Variants in ARID1B observed in about 807,000 individuals in gnomAD.
ARID1B encodes the protein AT-rich interactive domain-containing protein 1B.
Under a neutral mutation model 212.3 loss-of-function variants are expected in ARID1B, and 30 were observed. The observed-to-expected ratio is 0.14, with a 90% CI of 0.11 to 0.19. The LOEUF is 0.19. Among genes scored for constraint, ARID1B ranks in the 10% least tolerant of loss-of-function variants. The pLI is 1.00. For synonymous variants in ARID1B, 1,402 were observed against 1,301.7 expected (o/e 1.08, Z -1.66); for missense variants, 2,891 against 3,204.0 (o/e 0.90, Z 2.36).
At chr6:156,958,848 C>T (rs1040753147) in intron 4 of ARID1B, among the ~76,000 whole-genome samples, 9 of 152,028 alleles carry the variant, frequency 5.9e-5, no homozygotes, top group Non-Finnish European at 1.3e-4. Flanking sequence ...AGGAATCATA[C>T]GGAGTTAGTT....
intron 4 of ARID1B, among the ~76,000 whole-genome samples, chr6:157,006,048 C>G (rs1308514962): frequency 3.3e-5 from 5 of 152,052 alleles, no homozygotes. Flanking sequence ...CCCACAACAC[C>G]CCCCATTGAG....
chr6:157,002,255 C>T (rs1302937523), intron 4 of ARID1B, among the ~76,000 whole-genome samples: 1 of 152,106 alleles, frequency 6.6e-6, no homozygotes, highest in African/African-American at 2.4e-5. Context: ...TAAACTTTAT[C>T]ATTTTGTGTT....
chr6:156,778,718 G>A lies in ARID1B; in HGVS notation c.1038G>A (p.Met346Ile), dbSNP rs2114983281. ...ATGGCGGACAACAAAGCCCCGGGAT[G>A]GGGATGATGCACTCCGCCTCCGCCG... is the stretch of plus-strand genomic sequence containing the variant. Reference protein sequence around the residue: ...DQHGGQQSPGMGMMHSASAAA... With the variant: ...DQHGGQQSPGIGMMHSASAAA... The change falls in exon 1 of 20, where the codon ATG becomes ATA. Residue 346 changes from methionine to isoleucine, a missense_variant. Around this residue, in one of 7 missense-constraint regions of ARID1B, gnomAD observed 1,643 missense variants for 1,544.0 expected, o/e 1.06. Transcript: ENST00000636930. 1.3e-6 allele frequency: 2 copies of A among 1,524,050 alleles called. No individual in the cohort carries two copies. The highest frequency in any genetic ancestry group is 8.8e-7 in the Non-Finnish European group (1 of 1,134,216). 94.4% of individuals were successfully genotyped at this position (1,524,050 alleles called of 1,614,324 possible).
chr6:156,988,762 T>C (rs1778092024), intron 4 of ARID1B, among the ~76,000 whole-genome samples: 1 of 152,188 alleles, frequency 6.6e-6, no homozygotes, highest in African/African-American at 2.4e-5. Context: ...TGTTGAGCCA[T>C]CTGATAGGGA....
intron 13 of ARID1B, among the ~76,000 whole-genome samples, chr6:157,188,467 A>C (rs1285202505): frequency 6.6e-6 from 1 of 152,224 alleles, no homozygotes; most frequent in Admixed American, 6.5e-5. Context: ...TGTCCTCTGT[A>C]ACCTCTCGTG....
intron 4 of ARID1B, among the ~76,000 whole-genome samples, chr6:157,014,887 A>T (rs929271644): frequency 1.9e-4 from 9 of 46,746 alleles, no homozygotes; most frequent in Admixed American, 4.5e-4. Context: ...CCAGGAATAA[A>T]AAAAAAAAAA....
intron 6 of ARID1B, among the ~76,000 whole-genome samples, chr6:157,111,975 A>T (rs1358787581): frequency 6.6e-6 from 1 of 152,062 alleles, no homozygotes; most frequent in African/African-American, 2.4e-5. Flanking sequence ...GTTCTCAGAT[A>T]CTGCTGATGC....
At chr6:156,970,299 T>C (rs1038821142) in intron 4 of ARID1B, among the ~76,000 whole-genome samples, 23 of 152,142 alleles carry the variant, frequency 1.5e-4, no homozygotes, top group African/African-American at 5.5e-4. Flanking sequence ...ACCAGGCTAG[T>C]CTTGAACTCC....
intron 4 of ARID1B, among the ~76,000 whole-genome samples, chr6:156,986,932 A>G (rs569891619): frequency 4.5e-4 from 68 of 152,150 alleles, no homozygotes; most frequent in Non-Finnish European, 8.2e-4. Flanking sequence ...TAATCCCAAC[A>G]CTTTGGGAGG....
chr6:157,199,515 G>T (rs2128368526), intron 17 of ARID1B, among the ~76,000 whole-genome samples: 1 of 151,380 alleles, frequency 6.6e-6, no homozygotes, highest in Non-Finnish European at 1.5e-5. Flanking sequence ...ACAGGACTTT[G>T]CTGTTTTTAA....
Position 157,036,669 on chromosome 6 carries a change from G to A in ARID1B, c.2248-47993G>A, listed in dbSNP as rs1391106006. 3.1e-5 allele frequency: 11 copies of A among 353,750 alleles called. No homozygotes were observed. In the Admixed American group the frequency reaches 4.0e-4, roughly 13 times the overall value. 21.9% of individuals were successfully genotyped at this position (353,750 alleles called of 1,614,324 possible). On this transcript the variant is annotated intron_variant, in intron 4 of 19. Coordinates refer to ENST00000636930, the MANE Select transcript of ARID1B (RefSeq NM_001374828.1). The stretch of plus-strand genomic sequence containing the variant: ...AGACGGTGACTGGGATTTCAGCCCA[G>A]CTCTTGAAGATACTCACAGATCTCT...
At chr6:157,049,175 G>GA (rs375616004) in intron 4 of ARID1B, among the ~76,000 whole-genome samples, 41,115 of 116,710 alleles carry the variant, frequency 0.35, 6,458 homozygotes, top group African/African-American at 0.37. Flanking sequence ...TCAGTCTGGA[G>GA]AAAAAAAAAA....
intron 2 of ARID1B, among the ~76,000 whole-genome samples, chr6:156,839,693 A>C (rs1298325843): frequency 1.3e-5 from 2 of 152,172 alleles, no homozygotes; most frequent in Non-Finnish European, 2.9e-5. Context: ...CTGATGTATC[A>C]CAGCACACTT....
At position 157,080,328 on chromosome 6, in the gene ARID1B, A is replaced by G. The variant is rs558585876; in HGVS notation, c.2248-4334A>G. ...CCCAGTTCTCTGAGAAAGTAAAGCC[A>G]CCAGTATTGACTGAATTTATCCTTT... On this transcript the variant is annotated intron_variant, in intron 4 of 19. Coordinates refer to ENST00000636930, the MANE Select transcript of ARID1B (RefSeq NM_001374828.1). 4.6e-5 allele frequency among the ~76,000 whole-genome samples: 7 copies of G among 152,352 alleles called. No individual in the cohort carries two copies. In the South Asian group the frequency reaches 1.2e-3, roughly 27 times the overall value.
intron 1 of ARID1B, among the ~76,000 whole-genome samples, chr6:156,808,992 A>T (rs537134803): frequency 2.0e-5 from 3 of 152,294 alleles, no homozygotes; most frequent in East Asian, 3.9e-4. Context: ...AAATCACTGA[A>T]GTTTCTTTTT....
intron 4 of ARID1B, among the ~76,000 whole-genome samples, chr6:156,962,453 C>CT (rs1267756988): frequency 6.6e-6 from 1 of 152,066 alleles, no homozygotes; most frequent in Non-Finnish European, 1.5e-5. Flanking sequence ...GTGTCTATTT[C>CT]TTTTCTCTTT....
In ARID1B at chr6:156,948,115, A is replaced by G. The variant is rs1793297547; in HGVS notation, c.2247+12539A>G. 2.0e-5 allele frequency among the ~76,000 whole-genome samples: 3 copies of G among 152,216 alleles called. No homozygotes were observed. The South Asian group carries it at 6.2e-4, about 32-fold the overall frequency. On this transcript the variant is annotated intron_variant, in intron 4 of 19. Transcript: ENST00000636930. ...AACAGTCTCTCCTTTTAAATAAAAA[A>G]ACTATTTTGCTAATTTTGATTAAAG...
At chr6:156,953,069 G>A (rs1335771747) in intron 4 of ARID1B, among the ~76,000 whole-genome samples, 1 of 152,212 alleles carries the variant, frequency 6.6e-6, no homozygotes, top group African/African-American at 2.4e-5. Context: ...TTGTGAAACA[G>A]TACTGTGTCA....
At chr6:157,056,300 A>G (rs1477772263) in intron 4 of ARID1B, among the ~76,000 whole-genome samples, 1 of 152,216 alleles carries the variant, frequency 6.6e-6, no homozygotes, top group Non-Finnish European at 1.5e-5. Context: ...TGTACTCAAA[A>G]TGTCCTTAAC....
Sources: allele counts gnomAD v4.1 joint callset (sites outside exome capture counted in the v4.1 genomes callset), GRCh38; gene constraint gnomAD v4.1.1; regional missense constraint gnomAD v4.1.1; transcripts MANE v1.5; gene names NCBI Gene and HGNC (gene_info 2026-07-23, HGNC 2026-07-21).